Variants in C12orf42 observed in about 807,000 individuals in gnomAD.
The protein encoded by C12orf42 is chromosome 12 open reading frame 42, also known as uncharacterized protein C12orf42.
Under a neutral mutation model 21.6 loss-of-function variants are expected in C12orf42, and 25 were observed. The ratio of observed to expected loss-of-function variants is 1.16; its 90% CI spans 0.84 to 1.62. C12orf42 has a LOEUF of 1.62. Among genes scored for constraint, C12orf42 ranks in the 40% most tolerant of loss-of-function variants. The pLI is 0.00. For missense variants in C12orf42, 483 were observed against 459.3 expected (o/e 1.05, Z -0.47); for synonymous variants, 174 against 175.0 (o/e 0.99, Z 0.05).
the C12orf42 span, among the ~76,000 whole-genome samples, chr12:103,229,244 G>A: frequency 2.0e-5 from 3 of 152,180 alleles, no homozygotes; most frequent in South Asian, 2.1e-4. Flanking sequence ...GGATATTTCC[G>A]GTCTTCATTT....
At chr12:103,407,334 C>T (rs1300853057) in intron 2 of C12orf42, among the ~76,000 whole-genome samples, 3 of 152,152 alleles carry the variant, frequency 2.0e-5, no homozygotes, top group Non-Finnish European at 4.4e-5. Flanking sequence ...AGACCTTTGA[C>T]CAACACATGG....
At chr12:103,371,892 G>A (rs1308009374) in intron 3 of C12orf42, among the ~76,000 whole-genome samples, 1 of 152,128 alleles carries the variant, frequency 6.6e-6, no homozygotes, top group East Asian at 1.9e-4. Context: ...CAATTTTACA[G>A]ATGAAAAACT....
Position 103,376,366 on chromosome 12 carries a change from C to T in C12orf42, c.148-7368G>A, listed in dbSNP as rs114804900. Among the ~76,000 whole-genome samples the T allele has an allele frequency of 9.9e-3, 1,498 of 151,754 alleles. 19 individuals carry two copies. Among genetic ancestry groups the T allele is most frequent in the African/African-American group, 0.035 (1,430 of 41,356 alleles). On this transcript the variant is annotated intron_variant, in intron 3 of 5. Transcript: ENST00000548883. ...GTGGGAGTTGAACAATGAAAACACA[C>T]GGACGCAGGGAGGGGAACATCACAC...
At chr12:103,049,402 T>C in the C12orf42 span, among the ~76,000 whole-genome samples, 1 of 152,152 alleles carries the variant, frequency 6.6e-6, no homozygotes, top group Non-Finnish European at 1.5e-5. Context: ...AATTTGTACA[T>C]TCACATCTCC....
chr12:103,239,351 C>T (rs10507159), intron 10 of C12orf42, among the ~76,000 whole-genome samples: 7,871 of 152,166 alleles, frequency 0.052, 495 homozygotes, highest in African/African-American at 0.15. Flanking sequence ...CAACTATAAT[C>T]GGACTCCTTC....
the C12orf42 span, among the ~76,000 whole-genome samples, chr12:103,555,656 G>A: frequency 6.6e-6 from 1 of 152,056 alleles, no homozygotes; most frequent in Non-Finnish European, 1.5e-5. Context: ...CAAAGCTCAG[G>A]CGCCACCCTA....
the C12orf42 span, among the ~76,000 whole-genome samples, chr12:103,180,731 C>T: frequency 2.8e-5 from 4 of 141,292 alleles, no homozygotes; most frequent in African/African-American, 1.1e-4. Flanking sequence ...TGGGTTCAAG[C>T]GATTCTCCTG....
chr12:103,120,009 G>T, the C12orf42 span, among the ~76,000 whole-genome samples: 1 of 152,320 alleles, frequency 6.6e-6, no homozygotes, highest in African/African-American at 2.4e-5. Flanking sequence ...CAGCACTGGA[G>T]GCTGGGGAAA....
the C12orf42 span, chr12:103,504,151 G>T: frequency 6.5e-6 from 1 of 152,736 alleles, no homozygotes; most frequent in South Asian, 2.0e-4. Flanking sequence ...CTGCAGGAGT[G>T]ACCCCGGCAG....
At chr12:103,170,098 A>AT in the C12orf42 span, among the ~76,000 whole-genome samples, 4 of 152,094 alleles carry the variant, frequency 2.6e-5, no homozygotes, top group Non-Finnish European at 4.4e-5. Context: ...CACTCCACTA[A>AT]TTTTTTCCCA....
At chr12:103,338,213 A>G (rs533365044) in intron 4 of C12orf42, among the ~76,000 whole-genome samples, 3 of 152,268 alleles carry the variant, frequency 2.0e-5, no homozygotes, top group African/African-American at 7.2e-5. Context: ...ATTGCTCCAT[A>G]TCATATGCAG....
intron 4 of C12orf42, among the ~76,000 whole-genome samples, chr12:103,296,048 G>A (rs896380490): frequency 7.6e-6 from 1 of 130,790 alleles, no homozygotes; most frequent in African/African-American, 3.0e-5. Flanking sequence ...AGTGTGTGAT[G>A]TTCCGCTTCC....
the C12orf42 span, among the ~76,000 whole-genome samples, chr12:103,152,108 G>A: frequency 6.6e-6 from 1 of 152,182 alleles, no homozygotes; most frequent in Non-Finnish European, 1.5e-5. Flanking sequence ...AACAACAACA[G>A]AGACCTCAAT....
the C12orf42 span, among the ~76,000 whole-genome samples, chr12:103,216,600 G>A: frequency 0.35 from 53,745 of 151,568 alleles, 10,465 homozygotes; most frequent in South Asian, 0.45. Flanking sequence ...GGATAGTCTC[G>A]ATCTCCTGAC....
chr12:103,355,435 G>A (rs1203975085), intron 4 of C12orf42, among the ~76,000 whole-genome samples: 4 of 152,084 alleles, frequency 2.6e-5, no homozygotes. Flanking sequence ...CATACATTTT[G>A]GCTGGTCATT....
Position 103,361,925 on chromosome 12 carries a change from G to C in C12orf42, c.259+6962C>G, listed in dbSNP as rs181146596. On this transcript the variant is annotated intron_variant, in intron 4 of 5. Coordinates refer to ENST00000548883, the MANE Select transcript of C12orf42 (RefSeq NM_198521.5). ...CTGATGGTCCTTCCCTACCCACCCT[G>C]GTAGCTGAAGACAAAAAGCATATTC... Among the ~76,000 whole-genome samples the C allele has an allele frequency of 3.3e-3, 500 of 152,172 alleles. 3 individuals are homozygous for C. The highest frequency in any genetic ancestry group is 0.011 in the African/African-American group (474 of 41,530).
At chr12:103,092,536 C>T in the C12orf42 span, among the ~76,000 whole-genome samples, 1 of 152,118 alleles carries the variant, frequency 6.6e-6, no homozygotes, top group Admixed American at 6.5e-5. Flanking sequence ...AGAATAACAC[C>T]TTTTACAGTA....
upstream of C12orf42, among the ~76,000 whole-genome samples, chr12:103,500,751 G>A (rs562458720): frequency 6.6e-6 from 1 of 152,214 alleles, no homozygotes; most frequent in African/African-American, 2.4e-5. Flanking sequence ...GTACTGGAAA[G>A]AGCATGGATT....
At chr12:103,529,084 T>C in the C12orf42 span, among the ~76,000 whole-genome samples, 1 of 152,074 alleles carries the variant, frequency 6.6e-6, no homozygotes, top group African/African-American at 2.4e-5. Flanking sequence ...AAAACGCCAT[T>C]GCAAACTATA....
Sources: allele counts gnomAD v4.1 joint callset (sites outside exome capture counted in the v4.1 genomes callset), GRCh38; gene constraint gnomAD v4.1.1; transcripts MANE v1.5; gene names NCBI Gene and HGNC (gene_info 2026-07-23, HGNC 2026-07-21).